EGLN1: variants seen among roughly 807,000 people sequenced by gnomAD.
EGLN1 encodes the protein egl-9 family hypoxia inducible factor 1, also known as egl nine homolog 1.
In EGLN1, 17 loss-of-function variants were observed where a neutral mutation model predicts 38.3. That is an observed-to-expected ratio of 0.44 (90% CI 0.30 to 0.67). The LOEUF is 0.67. EGLN1 is among the 30% of genes least tolerant of loss of function. The probability of loss-of-function intolerance (pLI) is 0.08; values close to 1 mark genes in which losing one functional copy is unlikely to be tolerated. For missense variants in EGLN1, 477 were observed against 603.3 expected, an observed-to-expected ratio of 0.79 and a Z score of 2.19; for synonymous variants, 283 against 257.5, an observed-to-expected ratio of 1.10 and a Z score of -0.95.
At chr1:231,404,962 G>C (rs1688750619) in intron 1 of EGLN1, among the ~76,000 whole-genome samples, 2 of 151,986 alleles carry the variant, frequency 1.3e-5, no homozygotes. Flanking sequence ...AAATCTATGT[G>C]CCAACTGCCT....
chr1:231,366,021 G>A lies in EGLN1; in HGVS notation c.*390C>T. 4.6e-6 allele frequency: 1 copy of A among 219,138 alleles called. No individual in the cohort carries two copies. The highest frequency in any genetic ancestry group is 7.7e-5 in the South Asian group (1 of 13,018). The allele number at this position is 219,138 out of a possible 1,614,324, so 13.6% of individuals were successfully genotyped here. On this transcript the variant is annotated 3_prime_UTR_variant, in exon 5 of 5. Coordinates refer to ENST00000366641, the MANE Select transcript of EGLN1 (RefSeq NM_022051.3). ...TTTCTCAATTCAGTTTAGATAAATT[G>A]TACCTAATATAGAAAAATTATCCCA...
intron 1 of EGLN1, among the ~76,000 whole-genome samples, chr1:231,418,615 G>A (rs1218007076): frequency 6.6e-6 from 1 of 152,180 alleles, no homozygotes; most frequent in South Asian, 2.1e-4. Context: ...TGTAACCACA[G>A]TACTTTGGGA....
intron 4 of EGLN1, 91 bp downstream of exon 4, chr1:231,367,478 T>A: frequency 7.8e-7 from 1 of 1,283,788 alleles, no homozygotes; most frequent in African/African-American, 1.5e-5. Flanking sequence ...ATTCATGGTG[T>A]TAACAAAGAC....
intron 1 of EGLN1, 39 bp downstream of exon 1, chr1:231,420,959 G>A (rs1558085894): frequency 1.2e-6 from 2 of 1,613,742 alleles, no homozygotes; most frequent in Non-Finnish European, 1.7e-6. Flanking sequence ...TGCCCGCCGA[G>A]AAGGGCCTGT....
intron 1 of EGLN1, among the ~76,000 whole-genome samples, chr1:231,389,947 A>AAAAC (rs201690021): frequency 6.6e-5 from 10 of 152,092 alleles, no homozygotes; most frequent in South Asian, 2.1e-4. Flanking sequence ...ATGCTCTCTG[A>AAAAC]AAACAAACAA....
Position 231,422,074 on chromosome 1 carries a change from G to C in EGLN1, c.-186C>G, listed in dbSNP as rs1035393525. On this transcript the variant is annotated 5_prime_UTR_variant, in exon 1 of 5. Coordinates refer to ENST00000366641, the MANE Select transcript of EGLN1 (RefSeq NM_022051.3). ...CGGCCCGGCCGCTTCCGAGTCCTAA[G>C]CTCCGGCGCAGCGCCGGCAGCCGCC... The C allele has an allele frequency of 1.9e-6, 1 of 523,114 alleles. No individual in the cohort carries two copies. The highest frequency in any genetic ancestry group is 3.0e-6 in the Non-Finnish European group (1 of 335,644). The allele number at this position is 523,114 out of a possible 1,614,324, so 32.4% of individuals were successfully genotyped here.
chr1:231,406,020 T>C (rs1256641590), intron 1 of EGLN1, among the ~76,000 whole-genome samples: 1 of 91,104 alleles, frequency 1.1e-5, no homozygotes, highest in East Asian at 3.7e-4. Context: ...AGCACTACTA[T>C]TACTAAGGCT....
rs1656573155 is a variant in EGLN1, at chr1:231,421,031, C to A, written c.858G>T (p.Lys286Asn). 1.2e-6 allele frequency: 2 copies of A among 1,614,004 alleles called. No homozygotes were observed. The highest frequency in any genetic ancestry group is 1.3e-5 in the African/African-American group (1 of 74,906). The part of the protein sequence containing the change: ...MDDLIRHCNG[K>N]LGSYKINGRT... ...GGCCATTGATTTTGTAGCTGCCCAG[C>A]TTCCCGTTACAGTGGCGTATCAGGT... The change falls in exon 1 of 5, where the codon AAG becomes AAT. Residue 286 changes from lysine (K) to asparagine (N), a missense_variant. This residue lies in a region of EGLN1 where 119 missense variants were observed against 179.0 expected (regional missense o/e 0.66). Coordinates refer to ENST00000366641, the MANE Select transcript of EGLN1 (RefSeq NM_022051.3). This position sits in a 1 kb window ranked among gnomAD's most constrained non-coding sequence, Gnocchi z 5.5.
chr1:231,409,343 CAT>C (rs1347191664), intron 1 of EGLN1, among the ~76,000 whole-genome samples: 1 of 151,204 alleles, frequency 6.6e-6, no homozygotes, highest in Non-Finnish European at 1.5e-5. Flanking sequence ...ATCTCATAAA[CAT>C]AGCACTGGGA....
At chr1:231,406,282 G>A (rs538607455) in intron 1 of EGLN1, among the ~76,000 whole-genome samples, 2 of 151,956 alleles carry the variant, frequency 1.3e-5, no homozygotes, top group Non-Finnish European at 2.9e-5. Flanking sequence ...AGGGTTAAAA[G>A]GACAAGAGGA....
intron 1 of EGLN1, among the ~76,000 whole-genome samples, chr1:231,409,757 TA>T (rs1688887807): frequency 1.3e-5 from 2 of 152,228 alleles, no homozygotes; most frequent in Non-Finnish European, 2.9e-5. Context: ...TTACAGCTAA[TA>T]CTAATTGAGC....
At chr1:231,368,070 C>T (rs1687703668) in intron 3 of EGLN1, among the ~76,000 whole-genome samples, 1 of 152,032 alleles carries the variant, frequency 6.6e-6, no homozygotes, top group Non-Finnish European at 1.5e-5. Context: ...TGCCTGTAGC[C>T]CTAGCTACTC....
chr1:231,377,298 C>T lies in EGLN1; in HGVS notation c.892-3199G>A, dbSNP rs557162593. ...TTCGCAAAGTCACATGACAGGGAAT[C>T]TGGTTCCAGAACCCATGGAATTAAC... On this transcript the variant is annotated intron_variant, in intron 1 of 4. Transcript: ENST00000366641. Among the ~76,000 whole-genome samples, 5 of 152,330 alleles carry T rather than the reference C, an allele frequency of 3.3e-5. No individual in the cohort carries two copies. In the South Asian group the frequency reaches 1.0e-3, roughly 32 times the overall value.
rs762056306 is a variant in EGLN1, at chr1:231,412,375, GT to G, written c.891+8622del. Among the ~76,000 whole-genome samples the G allele has an allele frequency of 2.0e-5, 3 of 152,188 alleles. No individual in the cohort carries two copies. The East Asian group carries it at 5.8e-4, about 29-fold the overall frequency. On this transcript the variant is annotated intron_variant, in intron 1 of 4. Coordinates refer to ENST00000366641, the MANE Select transcript of EGLN1 (RefSeq NM_022051.3). ...TTCAACAGTAGGTTTAAATGAAGAT[GT>G]TTTATTTCTGACTTCATTTTGACAT...
rs1408448213 is a variant in EGLN1, at chr1:231,421,476, A to G, written c.413T>C (p.Val138Ala). 23 of 1,438,564 alleles carry G rather than the reference A, an allele frequency of 1.6e-5. No individual in the cohort carries two copies. In the East Asian group the frequency reaches 6.1e-4, roughly 38 times the overall value. The allele number at this position is 1,438,564 out of a possible 1,614,324, so 89.1% of individuals were successfully genotyped here. ...RAAAGGQGSAVAAEAEPGKEE... is the reference protein window; with the variant it reads ...RAAAGGQGSAAAAEAEPGKEE... ...CTTGCCGGGCTCGGCTTCGGCAGCCACCGCCGAGCCCTGGCCGCCGGCGGC... is the reference window on the plus strand; with the variant it reads ...CTTGCCGGGCTCGGCTTCGGCAGCCGCCGCCGAGCCCTGGCCGCCGGCGGC... The change falls in exon 1 of 5, where the codon GTG becomes GCG. Residue 138 changes from valine (V) to alanine (A), a missense_variant. Val to Ala is a moderately conservative substitution (Grantham distance 64). Coordinates refer to ENST00000366641, the MANE Select transcript of EGLN1 (RefSeq NM_022051.3). This position sits in a 1 kb window ranked among gnomAD's most constrained non-coding sequence, Gnocchi z 5.5.
At position 231,365,508 on chromosome 1, in the gene EGLN1, T is replaced by G. The variant is rs181172492; in HGVS notation, c.*903A>C. The G allele has an allele frequency of 6.6e-6, 1 of 152,246 alleles. No individual in the cohort carries two copies. The highest frequency in any genetic ancestry group is 2.4e-5 in the African/African-American group (1 of 41,548). The allele number at this position is 152,246 out of a possible 1,614,324, so 9.4% of individuals were successfully genotyped here. A position where few individuals can be genotyped will look rare whatever the true frequency, so the allele number is the denominator to read the frequency against. On this transcript the variant is annotated 3_prime_UTR_variant, in exon 5 of 5. Coordinates refer to ENST00000366641, the MANE Select transcript of EGLN1 (RefSeq NM_022051.3). ...CAAAAATTAGTCAGGCATGGTGGTG[T>G]GTGCCTGCAGTCCCAGCTAGTTGGG...
intron 2 of EGLN1, 70 bp downstream of exon 2, chr1:231,373,910 T>C: frequency 1.9e-6 from 3 of 1,558,098 alleles, no homozygotes; most frequent in Admixed American, 1.7e-5. Context: ...TTATCAGAAG[T>C]ATGAAACTTA....
At chr1:231,370,807 A>G (rs1687802132) in intron 2 of EGLN1, 109 bp from the exon 3 acceptor site, 1 of 1,281,336 alleles carries the variant, frequency 7.8e-7, no homozygotes, top group Non-Finnish European at 1.1e-6. Context: ...TTATTCACAA[A>G]TACGTCTCAA....
intron 1 of EGLN1, among the ~76,000 whole-genome samples, chr1:231,407,732 C>T (rs1423158907): frequency 6.6e-6 from 1 of 152,034 alleles, no homozygotes; most frequent in Non-Finnish European, 1.5e-5. Context: ...GCCTAAGCAA[C>T]GTCATAAAAC....
Sources: gnomAD v4.1 joint callset for allele counts (sites outside exome capture counted in the v4.1 genomes callset) on GRCh38, gnomAD v4.1.1 for gene constraint, gnomAD v4.1.1 regional missense constraint, Gnocchi (gnomAD v3.1) non-coding constraint, MANE v1.5 for transcripts, NCBI Gene and HGNC (gene_info 2026-07-23, HGNC 2026-07-21) for gene names.